Variants in KLHL1 observed in about 807,000 individuals in gnomAD.
KLHL1 encodes the protein kelch-like protein 1.
A neutral mutation model predicts 77.7 loss-of-function variants in KLHL1; 47 were observed. That is an observed-to-expected ratio of 0.60 (90% CI 0.48 to 0.77). KLHL1 has a LOEUF of 0.77. KLHL1 is among the 30% of genes least tolerant of loss of function. The pLI is 0.00. For missense variants in KLHL1, 925 were observed against 910.8 expected, an observed-to-expected ratio of 1.02 and a Z score of -0.20; for synonymous variants, 360 against 325.2, an observed-to-expected ratio of 1.11 and a Z score of -1.15.
At chr13:70,072,689 A>C (rs1332373634) in intron 1 of KLHL1, among the ~76,000 whole-genome samples, 1 of 152,118 alleles carries the variant, frequency 6.6e-6, no homozygotes, top group Non-Finnish European at 1.5e-5. Flanking sequence ...ACTGAAGAAA[A>C]AAAAAGGGGG....
chr13:70,009,907 A>G (rs1885490224), intron 1 of KLHL1, among the ~76,000 whole-genome samples: 1 of 152,192 alleles, frequency 6.6e-6, no homozygotes, highest in African/African-American at 2.4e-5. Context: ...GCTAATCAAT[A>G]GAAAAAAATC....
rs117148460 is a variant in KLHL1, at chr13:69,976,838, A to C, written c.498-1036T>G. 4.1e-3 allele frequency among the ~76,000 whole-genome samples: 628 copies of C among 152,220 alleles called. 4 individuals carry two copies. The highest frequency in any genetic ancestry group is 6.8e-3 in the Non-Finnish European group (462 of 67,958). ...TCTACTGAGGCAATCAGGACTTAGAAAGCTAAGATCCTGAAATACAGATAA... is the reference window on the plus strand; with the variant it reads ...TCTACTGAGGCAATCAGGACTTAGACAGCTAAGATCCTGAAATACAGATAA... On this transcript the variant is annotated intron_variant, in intron 1 of 10. Coordinates refer to ENST00000377844, the MANE Select transcript of KLHL1 (RefSeq NM_020866.3).
intron 3 of KLHL1, among the ~76,000 whole-genome samples, chr13:69,960,592 A>G (rs1394610133): frequency 6.6e-6 from 1 of 152,000 alleles, no homozygotes; most frequent in Admixed American, 6.6e-5. Flanking sequence ...TATCACATTT[A>G]TGTCCTCATC....
chr13:69,837,950 A>G (rs1292702498), intron 6 of KLHL1, among the ~76,000 whole-genome samples: 1 of 151,442 alleles, frequency 6.6e-6, no homozygotes, highest in Non-Finnish European at 1.5e-5. Flanking sequence ...TTTGCTATGT[A>G]CTTATAAAAT....
chr13:70,032,165 T>TG (rs1886117889), intron 1 of KLHL1, among the ~76,000 whole-genome samples: 1 of 152,206 alleles, frequency 6.6e-6, no homozygotes, highest in Non-Finnish European at 1.5e-5. Context: ...AAGGATAGAA[T>TG]CTAGCACACT....
chr13:70,087,902 C>T (rs1173239155), intron 1 of KLHL1, among the ~76,000 whole-genome samples: 1 of 151,950 alleles, frequency 6.6e-6, no homozygotes, highest in Middle Eastern at 3.2e-3. Context: ...GAACAACACA[C>T]ACTGGGGCCT....
intron 6 of KLHL1, among the ~76,000 whole-genome samples, chr13:69,831,519 T>C (rs974630437): frequency 6.7e-6 from 1 of 149,894 alleles, no homozygotes; most frequent in Non-Finnish European, 1.5e-5. Flanking sequence ...ATATCAGATA[T>C]TCAAGGAAGA....
At chr13:69,791,207 G>T (rs2138027886) in intron 7 of KLHL1, among the ~76,000 whole-genome samples, 1 of 152,016 alleles carries the variant, frequency 6.6e-6, no homozygotes, top group East Asian at 1.9e-4. Context: ...AAAATGAGAT[G>T]AAGAAAACAA....
chr13:69,936,709 G>A (rs931164321), intron 4 of KLHL1, among the ~76,000 whole-genome samples: 3 of 151,382 alleles, frequency 2.0e-5, no homozygotes, highest in Non-Finnish European at 4.4e-5. Context: ...TAAAAGATAT[G>A]AATAGAGAAT....
chr13:69,914,198 C>T (rs1372311040), intron 4 of KLHL1, among the ~76,000 whole-genome samples: 1 of 152,118 alleles, frequency 6.6e-6, no homozygotes, highest in Non-Finnish European at 1.5e-5. Flanking sequence ...AATAAACTCC[C>T]CTTTATATAT....
intron 1 of KLHL1, among the ~76,000 whole-genome samples, chr13:69,999,963 T>A (rs1161076712): frequency 6.6e-6 from 1 of 151,406 alleles, no homozygotes; most frequent in Non-Finnish European, 1.5e-5. Context: ...GGAGGTGGGG[T>A]TGGTGAGAGG....
chr13:69,854,540 C>T (rs1445327418), intron 5 of KLHL1, among the ~76,000 whole-genome samples: 1 of 151,966 alleles, frequency 6.6e-6, no homozygotes, highest in Non-Finnish European at 1.5e-5. Flanking sequence ...AGCACAAGCA[C>T]ATAAGAAAGG....
At chr13:69,946,576 G>T (rs1281852913) in intron 3 of KLHL1, among the ~76,000 whole-genome samples, 1 of 152,028 alleles carries the variant, frequency 6.6e-6, no homozygotes, top group Non-Finnish European at 1.5e-5. Context: ...GCAGTGGCAT[G>T]ATCCTAGCTC....
At chr13:70,022,069 T>C (rs553654139) in intron 1 of KLHL1, among the ~76,000 whole-genome samples, 1 of 151,930 alleles carries the variant, frequency 6.6e-6, no homozygotes, top group East Asian at 1.9e-4. Context: ...CAAAGTCACT[T>C]TGATTTTCTC....
At chr13:70,051,034 G>C (rs1886616965) in intron 1 of KLHL1, among the ~76,000 whole-genome samples, 1 of 151,918 alleles carries the variant, frequency 6.6e-6, no homozygotes, top group Non-Finnish European at 1.5e-5. Context: ...TGCCAGGTTT[G>C]GTTGGAATAT....
intron 9 of KLHL1, among the ~76,000 whole-genome samples, chr13:69,715,377 C>T (rs1876071200): frequency 6.6e-6 from 1 of 152,048 alleles, no homozygotes; most frequent in Non-Finnish European, 1.5e-5. Context: ...GCAAGTTCCT[C>T]CTTCGTGCAC....
chr13:69,881,291 C>G (rs908267329), intron 5 of KLHL1, among the ~76,000 whole-genome samples: 2 of 152,088 alleles, frequency 1.3e-5, no homozygotes, highest in Non-Finnish European at 2.9e-5. Flanking sequence ...ATAAATCCCA[C>G]TTCTACACTT....
In KLHL1 at chr13:69,944,019, C is replaced by T. The variant is rs372930962; in HGVS notation, c.818-3783G>A. 4.2e-4 allele frequency among the ~76,000 whole-genome samples: 64 copies of T among 152,306 alleles called. 1 individual carries two copies. The South Asian group carries it at 0.012, about 30-fold the overall frequency. ...TTTATGCAGAAAAGAATGAGCACAG[C>T]AGACCTGAACTACTACCATCCTCTG... On this transcript the variant is annotated intron_variant, in intron 3 of 10. Transcript: ENST00000377844.
intron 1 of KLHL1, among the ~76,000 whole-genome samples, chr13:70,061,209 T>C (rs149687648): frequency 6.6e-6 from 1 of 152,274 alleles, no homozygotes; most frequent in East Asian, 1.9e-4. Context: ...GTAGAATTCT[T>C]GCACATCTTT....
Sources: gnomAD v4.1 joint callset for allele counts (sites outside exome capture counted in the v4.1 genomes callset) on GRCh38, gnomAD v4.1.1 for gene constraint, MANE v1.5 for transcripts, NCBI Gene and HGNC (gene_info 2026-07-23, HGNC 2026-07-21) for gene names.